Variants in ZNF317 observed in about 807,000 individuals in gnomAD.
The protein encoded by ZNF317 is KRAB-containing zinc finger protein 317.
A neutral mutation model predicts 23.4 loss-of-function variants in ZNF317; 17 were observed. The observed-to-expected ratio is 0.73, with a 90% confidence interval of 0.50 to 1.09. The LOEUF (loss-of-function observed/expected upper bound fraction) is 1.09. ZNF317 is among the 50% of genes least tolerant of loss of function. The pLI is 0.00. For missense variants in ZNF317, 679 were observed against 796.7 expected, an observed-to-expected ratio of 0.85 and a Z score of 1.78; for synonymous variants, 317 against 314.9, an observed-to-expected ratio of 1.01 and a Z score of -0.07.
At chr19:9,154,701 A>C (rs879532093) in intron 1 of ZNF317, among the ~76,000 whole-genome samples, 5 of 152,188 alleles carry the variant, frequency 3.3e-5, no homozygotes, top group Non-Finnish European at 7.3e-5. Context: ...GTCTTTGTGG[A>C]TATAAATTGT....
At chr19:9,155,122 A>C (rs1347394399) in intron 1 of ZNF317, among the ~76,000 whole-genome samples, 1 of 151,956 alleles carries the variant, frequency 6.6e-6, no homozygotes, top group Non-Finnish European at 1.5e-5. Flanking sequence ...TCTGAATACG[A>C]ATTCTTTTTC....
rs746396591 is a variant in ZNF317 at position 9,162,399 on chromosome 19, T to C, written c.*966T>C. On this transcript the variant is annotated 3_prime_UTR_variant, in exon 7 of 7. Transcript: ENST00000247956. Reference sequence around the variant, plus strand: ...GTGAGCACTTACGCTAGGAGAAATTTCTTTTACAAAACTTTTAAAATACAA... The same window carrying C: ...GTGAGCACTTACGCTAGGAGAAATTCCTTTTACAAAACTTTTAAAATACAA... 5.9e-5 allele frequency: 9 copies of C among 152,154 alleles called. No individual in the cohort carries two copies. Among genetic ancestry groups the C allele is most frequent in the Non-Finnish European group, 1.2e-4 (8 of 68,024 alleles). The allele number at this position is 152,154 out of a possible 1,614,324, so 9.4% of individuals were successfully genotyped here. A position where few individuals can be genotyped will look rare whatever the true frequency, so the allele number is the denominator to read the frequency against.
intron 1 of ZNF317, among the ~76,000 whole-genome samples, chr19:9,142,303 T>G (rs2145936347): frequency 6.6e-6 from 1 of 152,006 alleles, no homozygotes; most frequent in South Asian, 2.1e-4. Context: ...AAATTGTCTT[T>G]TTTGTTTGTT....
rs1035374113 is a variant in ZNF317, at chr19:9,159,454, G to A, written c.468+546G>A. Among the ~76,000 whole-genome samples the A allele has an allele frequency of 2.6e-5, 4 of 151,556 alleles. No individual in the cohort carries two copies. The East Asian group carries it at 5.8e-4, about 22-fold the overall frequency. ...GAACTCCTGGAGATCCATCAGCCTCGGTCTCCCAAAGTGCTGGGATTATAG... is the reference window on the plus strand; with the variant it reads ...GAACTCCTGGAGATCCATCAGCCTCAGTCTCCCAAAGTGCTGGGATTATAG... On this transcript the variant is annotated intron_variant, in intron 6 of 6. Transcript: ENST00000247956.
chr19:9,155,787 TA>T, intron 1 of ZNF317, 137 bp from the exon 2 acceptor site: 1 of 591,962 alleles, frequency 1.7e-6, no homozygotes, highest in Non-Finnish European at 3.0e-6. Context: ...TTTACCTAAG[TA>T]AGATAAAAGT....
intron 1 of ZNF317, among the ~76,000 whole-genome samples, chr19:9,145,782 CTT>C (rs893236583): frequency 4.6e-5 from 7 of 152,162 alleles, no homozygotes; most frequent in Admixed American, 3.9e-4. Flanking sequence ...TTCCTCAACT[CTT>C]TTTCTGTGCT....
Position 9,161,213 on chromosome 19 carries a change from G to A in ZNF317, c.1568G>A (p.Ser523Asn). Residue 523 changes from serine to asparagine, a missense_variant, in exon 7 of 7, where the codon AGC (serine) becomes AAC (asparagine). Ser to Asn is a conservative substitution (Grantham distance 46, BLOSUM62 1). Coordinates refer to ENST00000247956, the MANE Select transcript of ZNF317 (RefSeq NM_020933.5). The surrounding 1 kb of genome is among the most constrained non-coding windows in gnomAD (Gnocchi z 4.0). ...NQSTLKTHMR[S>N]HTGEKPYECD... is the part of the protein sequence containing the mutation. Reference sequence around the variant, plus strand: ...TCAACGCTGAAGACGCACATGCGAAGCCACACGGGGGAGAAACCGTACGAA... The same window carrying A: ...TCAACGCTGAAGACGCACATGCGAAACCACACGGGGGAGAAACCGTACGAA... The A allele has an allele frequency of 1.2e-6, 2 of 1,611,700 alleles. No homozygotes were observed. The highest frequency in any genetic ancestry group is 1.7e-6 in the Non-Finnish European group (2 of 1,179,264).
chr19:9,147,956 A>T (rs1319497805), intron 1 of ZNF317, among the ~76,000 whole-genome samples: 1 of 151,998 alleles, frequency 6.6e-6, no homozygotes, highest in Non-Finnish European at 1.5e-5. Flanking sequence ...CCCCCTTGGC[A>T]CTGTCCTCGT....
At position 9,160,616 on chromosome 19, in the gene ZNF317, A is replaced by G; in HGVS notation, c.971A>G (p.His324Arg). Residue 324 changes from histidine (H) to arginine (R), a missense_variant, in exon 7 of 7, where the codon CAC becomes CGC. His to Arg is a conservative substitution (Grantham distance 29, BLOSUM62 0). Coordinates refer to ENST00000247956, the MANE Select transcript of ZNF317 (RefSeq NM_020933.5). This position sits in a 1 kb window ranked among gnomAD's most constrained non-coding sequence, Gnocchi z 6.8. The stretch of plus-strand genomic sequence containing the variant: ...GGCCGGAGCTGCCACCTCATCGCAC[A>G]CAAGAGAACGCACACCGGAGAGAGG... Reference protein sequence around the residue: ...AYGRSCHLIAHKRTHTGERPY... With the variant: ...AYGRSCHLIARKRTHTGERPY... The G allele has an allele frequency of 3.1e-6, 5 of 1,614,238 alleles. No homozygotes were observed. Among genetic ancestry groups the G allele is most frequent in the Non-Finnish European group, 4.2e-6 (5 of 1,180,050 alleles).
chr19:9,150,329 G>A (rs1194289743), intron 1 of ZNF317, among the ~76,000 whole-genome samples: 2 of 152,338 alleles, frequency 1.3e-5, no homozygotes, highest in East Asian at 3.9e-4. Context: ...TGTTTACTGA[G>A]CCTATAGAGT....
chr19:9,157,693 T>TTA, intron 4 of ZNF317: 1 of 510,728 alleles, frequency 2.0e-6, no homozygotes, highest in Non-Finnish European at 2.9e-6. Context: ...TTTTTTTTTT[T>TTA]TTTTTTTTTA....
Position 9,162,458 on chromosome 19 carries a change from C to T in ZNF317, c.*1025C>T, listed in dbSNP as rs1006077452. On this transcript the variant is annotated 3_prime_UTR_variant, in exon 7 of 7. Transcript: ENST00000247956. Reference sequence around the variant, plus strand: ...GATAATTCCTATGTGGAAATGATTCCAGCCATGGTCCCCTCACTTGAGCAT... The same window carrying T: ...GATAATTCCTATGTGGAAATGATTCTAGCCATGGTCCCCTCACTTGAGCAT... 1.3e-5 allele frequency: 2 copies of T among 151,662 alleles called. No homozygotes were observed. Among genetic ancestry groups the T allele is most frequent in the African/African-American group, 4.9e-5 (2 of 41,220 alleles). 9.4% of individuals were successfully genotyped at this position (151,662 alleles called of 1,614,324 possible).
At chr19:9,147,893 T>TG (rs911595622) in intron 1 of ZNF317, among the ~76,000 whole-genome samples, 28 of 152,052 alleles carry the variant, frequency 1.8e-4, no homozygotes, top group African/African-American at 5.3e-4. Flanking sequence ...TGGGGCCTGG[T>TG]GGGGGGCGAT....
rs946168455 is a variant in ZNF317, at chr19:9,162,094, C to G, written c.*661C>G. On this transcript the variant is annotated 3_prime_UTR_variant, in exon 7 of 7. Coordinates refer to ENST00000247956, the MANE Select transcript of ZNF317 (RefSeq NM_020933.5). ...CCTTTCCAGAAAAACTTGGCCGACC[C>G]TTGGTCTACAGCACGGGTTCTCAGT... 8.5e-5 allele frequency: 13 copies of G among 152,202 alleles called. No homozygotes were observed. The highest frequency in any genetic ancestry group is 3.1e-4 in the African/African-American group (13 of 41,416). 9.4% of individuals were successfully genotyped at this position (152,202 alleles called of 1,614,324 possible). A position where few individuals can be genotyped will look rare whatever the true frequency, so the allele number is the denominator to read the frequency against.
intron 1 of ZNF317, among the ~76,000 whole-genome samples, chr19:9,149,820 G>C (rs1476523119): frequency 1.3e-5 from 2 of 152,204 alleles, no homozygotes; most frequent in Non-Finnish European, 2.9e-5. Flanking sequence ...TGTCATGGAA[G>C]CTAAGGGAAG....
intron 1 of ZNF317, among the ~76,000 whole-genome samples, chr19:9,150,799 T>C (rs1218756379): frequency 2.0e-5 from 3 of 152,234 alleles, no homozygotes; most frequent in East Asian, 1.9e-4. Context: ...AGTTCCCACA[T>C]AGGGGACAGT....
At chr19:9,147,681 G>A (rs1383533665) in intron 1 of ZNF317, among the ~76,000 whole-genome samples, 3 of 152,098 alleles carry the variant, frequency 2.0e-5, no homozygotes, top group Non-Finnish European at 2.9e-5. Flanking sequence ...GGGGCAGAAC[G>A]TCTCTGAGTT....
At chr19:9,158,363 C>CTTTTTTCT (rs2050809234) in intron 5 of ZNF317, among the ~76,000 whole-genome samples, 1 of 76,496 alleles carries the variant, frequency 1.3e-5, no homozygotes, top group Non-Finnish European at 2.3e-5. Context: ...TTTCTTTTTT[C>CTTTTTTCT]TTTTTTTTTT....
intron 1 of ZNF317, among the ~76,000 whole-genome samples, chr19:9,151,914 T>TTTTC (rs2050738978): frequency 6.6e-6 from 1 of 150,790 alleles, no homozygotes; most frequent in African/African-American, 2.4e-5. Context: ...GGACTTTTTT[T>TTTTC]TTTTTTTTTT....
Sources: gnomAD v4.1 joint callset for allele counts (sites outside exome capture counted in the v4.1 genomes callset) on GRCh38, gnomAD v4.1.1 for gene constraint, Gnocchi (gnomAD v3.1) non-coding constraint, MANE v1.5 for transcripts, NCBI Gene and HGNC (gene_info 2026-07-23, HGNC 2026-07-21) for gene names.